The following SGK1 variants were observed in gnomAD, a reference collection of about 807,000 sequenced individuals.
The protein encoded by SGK1 is serine/threonine-protein kinase Sgk1.
SGK1 carries 26 observed loss-of-function variants against 64.2 expected under a neutral mutation model. The ratio of observed to expected loss-of-function variants is 0.40; its 90% CI spans 0.30 to 0.56. The LOEUF (loss-of-function observed/expected upper bound fraction) is 0.56, where lower values mean the gene tolerates loss of function less well. SGK1 is among the 20% of genes least tolerant of loss of function. The pLI, the probability that SGK1 is intolerant of heterozygous loss-of-function variation, is 0.38. For missense variants in SGK1, 519 were observed against 645.6 expected (o/e 0.80, Z 2.12); for synonymous variants, 265 against 239.7 (o/e 1.11, Z -0.98).
At chr6:134,260,526 G>C (rs1393131640) in intron 2 of SGK1, 1 of 152,058 alleles carries the variant, frequency 6.6e-6, no homozygotes, top group Non-Finnish European at 1.5e-5. Context: ...ACAAAAATTA[G>C]CCAGGCGTGG....
chr6:134,183,362 C>T lies in SGK1; in HGVS notation c.362-8776G>A, dbSNP rs145685834. On this transcript the variant is annotated intron_variant, in intron 3 of 13. Coordinates refer to ENST00000367858, the MANE Select transcript of SGK1 (RefSeq NM_001143676.3). ...GCAATATACAATAACTTATTGTTAA[C>T]TCTGATTTCCCTACTGCCATATCGA... Among the ~76,000 whole-genome samples the T allele has an allele frequency of 7.4e-4, 112 of 152,290 alleles. 1 individual carries two copies. The East Asian group carries it at 0.02, about 27-fold the overall frequency.
intron 3 of SGK1, among the ~76,000 whole-genome samples, chr6:134,187,581 C>T (rs886088932): frequency 6.6e-6 from 1 of 152,222 alleles, no homozygotes; most frequent in Non-Finnish European, 1.5e-5. Context: ...AAGGCCATTA[C>T]ACCATTCATT....
At chr6:134,171,314 T>G in intron 11 of SGK1, 136 bp from the exon 12 acceptor site, 1 of 841,970 alleles carries the variant, frequency 1.2e-6, no homozygotes, top group East Asian at 2.5e-5. Flanking sequence ...ATGCTTTCTT[T>G]TCCCTTGCTA....
At chr6:134,174,635 C>A (rs374060367) in intron 3 of SGK1, 49 bp from the exon 4 acceptor site, 2 of 1,604,086 alleles carry the variant, frequency 1.2e-6, no homozygotes, top group South Asian at 1.1e-5. Flanking sequence ...GGCTTCATAA[C>A]GTCCGGCGCC....
chr6:134,276,099 A>T lies in SGK1; in HGVS notation c.70-13951T>A, dbSNP rs73776543. Among the ~76,000 whole-genome samples the T allele has an allele frequency of 6.8e-3, 1,033 of 152,170 alleles. 10 individuals are homozygous for T. Among genetic ancestry groups the T allele is most frequent in the African/African-American group, 0.023 (945 of 41,516 alleles). On this transcript the variant is annotated intron_variant, in intron 1 of 13. Transcript: ENST00000367858. ...CCTGCTCTATTTTCTGTCTGTGTTC[A>T]CTTTGTGTTGAAGCTCACAAGGAAA...
intron 2 of SGK1, among the ~76,000 whole-genome samples, chr6:134,226,364 T>C (rs1445192802): frequency 6.6e-6 from 1 of 151,626 alleles, no homozygotes; most frequent in African/African-American, 2.4e-5. Flanking sequence ...GTGTTTTTTT[T>C]TCTTTTACTT....
At chr6:134,191,494 T>C (rs987821820) in intron 3 of SGK1, among the ~76,000 whole-genome samples, 14 of 152,202 alleles carry the variant, frequency 9.2e-5, no homozygotes, top group South Asian at 6.2e-4. Context: ...GTAGCTCTTC[T>C]ACACATTCTC....
At chr6:134,175,913 G>A (rs1027041664) in intron 3 of SGK1, 2 of 1,186,696 alleles carry the variant, frequency 1.7e-6, no homozygotes, top group East Asian at 3.8e-5. Flanking sequence ...GGAAAAGGGG[G>A]AGGGAGAGGT....
chr6:134,199,558 CAA>C (rs369760659), intron 3 of SGK1, among the ~76,000 whole-genome samples: 3 of 81,360 alleles, frequency 3.7e-5, no homozygotes, highest in East Asian at 4.4e-4. Context: ...GACTCTCTCT[CAA>C]AAAAAAAAAA....
chr6:134,239,507 A>G (rs1207685975), intron 2 of SGK1, among the ~76,000 whole-genome samples: 6 of 152,192 alleles, frequency 3.9e-5, no homozygotes, highest in Non-Finnish European at 5.9e-5. Flanking sequence ...CTAGGTCTCA[A>G]TTCTTTATCT....
intron 1 of SGK1, among the ~76,000 whole-genome samples, chr6:134,303,465 G>A (rs1179206758): frequency 6.6e-6 from 1 of 151,680 alleles, no homozygotes; most frequent in Non-Finnish European, 1.5e-5. Flanking sequence ...ACCATGCTCG[G>A]AAACAATTTA....
At chr6:134,286,375 C>G (rs1221575701) in intron 1 of SGK1, among the ~76,000 whole-genome samples, 1 of 152,212 alleles carries the variant, frequency 6.6e-6, no homozygotes, top group East Asian at 1.9e-4. Flanking sequence ...GGAGGACCTC[C>G]TGAGCCTGGG....
At position 134,317,520 on chromosome 6, in the gene SGK1, T is replaced by C; in HGVS notation, c.-60A>G. 1 of 1,001,100 alleles carries C rather than the reference T, an allele frequency of 1.0e-6. No individual in the cohort carries two copies. The highest frequency in any genetic ancestry group is 1.3e-5 in the South Asian group (1 of 78,718). 62.0% of individuals were successfully genotyped at this position (1,001,100 alleles called of 1,614,324 possible). ...GGTTGGCACCCGCCTGGTTAGTGCATATCTGTTTCCCCGGTTTACCTCCTG... is the reference window on the plus strand; with the variant it reads ...GGTTGGCACCCGCCTGGTTAGTGCACATCTGTTTCCCCGGTTTACCTCCTG... On this transcript the variant is annotated 5_prime_UTR_variant, in exon 1 of 14. The change creates a new upstream start codon in the 5' untranslated region. Coordinates refer to ENST00000367858, the MANE Select transcript of SGK1 (RefSeq NM_001143676.3).
chr6:134,186,437 CATAAG>C (rs1562244252), intron 3 of SGK1, among the ~76,000 whole-genome samples: 1 of 152,058 alleles, frequency 6.6e-6, no homozygotes, highest in Non-Finnish European at 1.5e-5. Flanking sequence ...ATGATAAAGA[CATAAG>C]AGAAGAATGA....
intron 1 of SGK1, among the ~76,000 whole-genome samples, chr6:134,315,823 T>G (rs1429375856): frequency 6.6e-6 from 1 of 152,052 alleles, no homozygotes; most frequent in African/African-American, 2.4e-5. Flanking sequence ...GAGGACCACT[T>G]GAGCCCAAAA....
Position 134,171,135 on chromosome 6 carries a change from A to C in SGK1, c.1211T>G (p.Ile404Ser), listed in dbSNP as rs766028121. ...SRNTAEMYDN[I>S]LNKPLQLKPN... ...TTTCAGCTGGAGAGGCTTGTTCAGAATGTTGTCGTACATTTCAGCTGTGTT... is the reference window on the plus strand; with the variant it reads ...TTTCAGCTGGAGAGGCTTGTTCAGACTGTTGTCGTACATTTCAGCTGTGTT... The change falls in exon 12 of 14, where the codon ATT becomes AGT. Residue 404 changes from isoleucine to serine, a missense_variant. This residue lies in a region of SGK1 where 278 missense variants were observed against 408.7 expected (regional missense o/e 0.68). Transcript: ENST00000367858. 6.2e-7 allele frequency: 1 copy of C among 1,614,120 alleles called. No homozygotes were observed. Among genetic ancestry groups the C allele is most frequent in the Non-Finnish European group, 8.5e-7 (1 of 1,180,024 alleles).
chr6:134,306,921 G>GGT (rs1562280659), intron 1 of SGK1, among the ~76,000 whole-genome samples: 3 of 144,462 alleles, frequency 2.1e-5, no homozygotes, highest in African/African-American at 5.2e-5. Flanking sequence ...AGGGGGGGGG[G>GGT]GCGGAATTTC....
At position 134,297,916 on chromosome 6, in the gene SGK1, TCTC is replaced by T. The variant is rs1341903945; in HGVS notation, c.69+19473_69+19475del. 4 of 807,240 alleles carry T rather than the reference TCTC, an allele frequency of 5.0e-6. No individual in the cohort carries two copies. The African/African-American group carries it at 5.0e-5, about 10-fold the overall frequency. The allele number at this position is 807,240 out of a possible 1,614,324, so 50.0% of individuals were successfully genotyped here. On this transcript the variant is annotated intron_variant, in intron 1 of 13. Transcript: ENST00000367858. ...GCCTCACTCCGGCTGCGGTTGGTGATCTCCTCGTACTGCGCCTTGACCTCAGTG... is the reference window on the plus strand; with the variant it reads ...GCCTCACTCCGGCTGCGGTTGGTGATCTCGTACTGCGCCTTGACCTCAGTG...
At chr6:134,261,459 A>G (rs1582748942) in intron 2 of SGK1, 1 of 241,412 alleles carries the variant, frequency 4.1e-6, no homozygotes, top group South Asian at 1.3e-4. Context: ...GGAGACAGTA[A>G]AAAGATCAGT....
Sources: allele counts gnomAD v4.1 joint callset (sites outside exome capture counted in the v4.1 genomes callset), GRCh38; gene constraint gnomAD v4.1.1; regional missense constraint gnomAD v4.1.1; transcripts MANE v1.5; gene names NCBI Gene and HGNC (gene_info 2026-07-23, HGNC 2026-07-21).